NEK7: variants seen among roughly 807,000 people sequenced by gnomAD.
NEK7 encodes the protein NIMA related kinase 7, also known as serine/threonine-protein kinase Nek7.
A neutral mutation model predicts 44.6 loss-of-function variants in NEK7; 18 were observed. That is an observed-to-expected ratio of 0.40 (90% CI 0.28 to 0.60). The LOEUF (loss-of-function observed/expected upper bound fraction) is 0.60. NEK7 is among the 20% of genes least tolerant of loss of function. The pLI, the probability that NEK7 is intolerant of heterozygous loss-of-function variation, is 0.38. For missense variants in NEK7, 256 were observed against 366.5 expected (o/e 0.70, Z 2.46); for synonymous variants, 130 against 121.1 (o/e 1.07, Z -0.48).
In NEK7 at chr1:198,321,791, T is replaced by G. The variant is rs1655541484; in HGVS notation, c.*2269T>G. 1 of 152,174 alleles carries G rather than the reference T, an allele frequency of 6.6e-6. No homozygotes were observed. The highest frequency in any genetic ancestry group is 1.9e-4 in the East Asian group (1 of 5,200). 9.4% of individuals were successfully genotyped at this position (152,174 alleles called of 1,614,324 possible). ...CTATGAAGATGATTTGAAGCTCTAA[T>G]TTATATAGTCACCTATAAAATGTTC... On this transcript the variant is annotated 3_prime_UTR_variant, in exon 10 of 10. Coordinates refer to ENST00000367385, the MANE Select transcript of NEK7 (RefSeq NM_133494.3).
chr1:198,287,154 C>A (rs1654396429), intron 7 of NEK7, among the ~76,000 whole-genome samples: 1 of 152,160 alleles, frequency 6.6e-6, no homozygotes, highest in Non-Finnish European at 1.5e-5. Context: ...ATATCCTCCT[C>A]TAAAGCATAA....
intron 9 of NEK7, among the ~76,000 whole-genome samples, chr1:198,305,189 A>G (rs1654990022): frequency 6.6e-6 from 1 of 152,176 alleles, no homozygotes; most frequent in South Asian, 2.1e-4. Context: ...CAATAAATAC[A>G]AAGCTAACTC....
chr1:198,244,896 C>G (rs958926917), intron 2 of NEK7, among the ~76,000 whole-genome samples: 1 of 152,012 alleles, frequency 6.6e-6, no homozygotes, highest in Non-Finnish European at 1.5e-5. Context: ...ATAATTGACC[C>G]TGGAACAACA....
intron 9 of NEK7, among the ~76,000 whole-genome samples, chr1:198,315,440 T>C (rs1326670369): frequency 1.3e-5 from 2 of 152,250 alleles, no homozygotes; most frequent in Non-Finnish European, 2.9e-5. Context: ...CTGTTCCTAT[T>C]CGGCCATCTT....
At chr1:198,252,915 G>T in intron 2 of NEK7, 125 bp from the exon 3 acceptor site, 2 of 730,490 alleles carry the variant, frequency 2.7e-6, no homozygotes, top group Non-Finnish European at 2.3e-6. Context: ...AATATTTGTT[G>T]TTGAGTGAAT....
intron 5 of NEK7, among the ~76,000 whole-genome samples, chr1:198,276,169 T>A (rs1454055167): frequency 6.6e-6 from 1 of 151,572 alleles, no homozygotes; most frequent in Non-Finnish European, 1.5e-5. Context: ...TATTGTGCAA[T>A]TTGGGGGCAA....
chr1:198,269,094 G>A (rs149939990), intron 5 of NEK7, among the ~76,000 whole-genome samples: 277 of 152,198 alleles, frequency 1.8e-3, no homozygotes, highest in Admixed American at 4.5e-3. Flanking sequence ...ATTGGTGTTT[G>A]TATTTCCCAT....
At chr1:198,203,331 A>AT (rs1467319093) in intron 1 of NEK7, among the ~76,000 whole-genome samples, 1 of 152,250 alleles carries the variant, frequency 6.6e-6, no homozygotes, top group Non-Finnish European at 1.5e-5. Flanking sequence ...GAAGAGGAAC[A>AT]TAAAAACAAC....
chr1:198,314,772 A>G (rs1037139977), intron 9 of NEK7, among the ~76,000 whole-genome samples: 4 of 152,166 alleles, frequency 2.6e-5, no homozygotes, highest in African/African-American at 9.7e-5. Context: ...GACCCACTTG[A>G]GGAGGCAGTC....
intron 9 of NEK7, among the ~76,000 whole-genome samples, chr1:198,316,430 A>C (rs752439485): frequency 4.6e-5 from 7 of 152,216 alleles, no homozygotes; most frequent in Admixed American, 1.3e-4. Flanking sequence ...GGAGAAGGAT[A>C]CTGTCAGCTG....
At chr1:198,310,708 C>A (rs1655155246) in intron 9 of NEK7, among the ~76,000 whole-genome samples, 1 of 152,058 alleles carries the variant, frequency 6.6e-6, no homozygotes, top group Non-Finnish European at 1.5e-5. Context: ...GAATCCTTTC[C>A]CCATTGCTTG....
chr1:198,237,059 C>T (rs572510660), intron 2 of NEK7, among the ~76,000 whole-genome samples: 1 of 152,254 alleles, frequency 6.6e-6, no homozygotes, highest in African/African-American at 2.4e-5. Context: ...CCTCATTTTA[C>T]TTAGCAGCTG....
At chr1:198,315,359 C>G (rs1050111171) in intron 9 of NEK7, among the ~76,000 whole-genome samples, 1 of 152,210 alleles carries the variant, frequency 6.6e-6, no homozygotes, top group Admixed American at 6.5e-5. Context: ...GAGATGAACC[C>G]GGTACCTCAG....
At chr1:198,255,341 G>A (rs762423959) in intron 3 of NEK7, among the ~76,000 whole-genome samples, 1 of 152,166 alleles carries the variant, frequency 6.6e-6, no homozygotes, top group Non-Finnish European at 1.5e-5. Flanking sequence ...AGATTGTCAA[G>A]ATGGGAGGTT....
At chr1:198,227,452 C>A (rs1471182460) in intron 1 of NEK7, among the ~76,000 whole-genome samples, 1 of 152,178 alleles carries the variant, frequency 6.6e-6, no homozygotes, top group Admixed American at 6.5e-5. Flanking sequence ...ACACTGACTT[C>A]CACAATGGTT....
At chr1:198,253,397 G>T (rs1653142015) in intron 3 of NEK7, among the ~76,000 whole-genome samples, 1 of 152,020 alleles carries the variant, frequency 6.6e-6, no homozygotes. Context: ...AGCTCGTATT[G>T]AACCTCAAAA....
In NEK7 at chr1:198,292,997, C is replaced by T. The variant is rs749561346; in HGVS notation, c.642C>T (p.Asn214=). The T allele has an allele frequency of 2.5e-6, 4 of 1,602,394 alleles. No homozygotes were observed. In the African/African-American group the frequency reaches 5.4e-5, roughly 21 times the overall value. Residue 214 remains asparagine, a synonymous_variant, in exon 8 of 10, where the codon AAC becomes AAT. Coordinates refer to ENST00000367385, the MANE Select transcript of NEK7 (RefSeq NM_133494.3). ...AGAGAATACATGAAAATGGATACAA[C>T]TTCAAATCTGACATCTGGTCTCTTG... ...SPERIHENGY[N]FKSDIWSLGC...
intron 5 of NEK7, among the ~76,000 whole-genome samples, chr1:198,273,988 A>T (rs2102972395): frequency 6.6e-6 from 1 of 151,542 alleles, no homozygotes; most frequent in Admixed American, 6.6e-5. Flanking sequence ...AGTTACTGTC[A>T]AACCTTATAA....
At chr1:198,179,223 T>G (rs943697227) in intron 1 of NEK7, among the ~76,000 whole-genome samples, 1 of 152,132 alleles carries the variant, frequency 6.6e-6, no homozygotes, top group Non-Finnish European at 1.5e-5. Context: ...ACTATAGTGA[T>G]TTCTTAAATG....
Sources: gnomAD v4.1 joint callset for allele counts (sites outside exome capture counted in the v4.1 genomes callset) on GRCh38, gnomAD v4.1.1 for gene constraint, MANE v1.5 for transcripts, NCBI Gene and HGNC (gene_info 2026-07-23, HGNC 2026-07-21) for gene names.